The following UGT2A1 variants were observed in gnomAD, a reference collection of about 807,000 sequenced individuals.
The protein encoded by UGT2A1 is UDP-glucuronosyltransferase 2A1.
A neutral mutation model predicts 45.4 loss-of-function variants in UGT2A1; 61 were observed. The ratio of observed to expected loss-of-function variants is 1.34; its 90% CI spans 1.09 to 1.66. The LOEUF is 1.66. Ranked by LOEUF, UGT2A1 falls within the 40% of genes most tolerant of loss-of-function variation. The probability of loss-of-function intolerance (pLI) is 0.00; values close to 1 mark genes in which losing one functional copy is unlikely to be tolerated. For missense variants in UGT2A1, 649 were observed against 574.3 expected, an observed-to-expected ratio of 1.13 and a Z score of -1.33; for synonymous variants, 229 against 196.2, an observed-to-expected ratio of 1.17 and a Z score of -1.40.
intron 3 of UGT2A1, among the ~76,000 whole-genome samples, chr4:69,624,852 A>C (rs545826312): frequency 6.6e-6 from 1 of 151,386 alleles, no homozygotes; most frequent in East Asian, 1.9e-4. Flanking sequence ...ACATTTTTTA[A>C]GTCTTTTTTA....
intron 3 of UGT2A1, among the ~76,000 whole-genome samples, chr4:69,634,210 A>T (rs1422340996): frequency 1.3e-5 from 2 of 152,094 alleles, no homozygotes; most frequent in South Asian, 4.1e-4. Flanking sequence ...GCGCCACTGC[A>T]CTCCAGCCTG....
In UGT2A1 at chr4:69,647,649, T is replaced by C; in HGVS notation, c.-5A>G. On this transcript the variant is annotated 5_prime_UTR_variant, in exon 2 of 7. Coordinates refer to ENST00000286604, the MANE Select transcript of UGT2A1 (RefSeq NM_001252275.3). Reference sequence around the variant, plus strand: ...CAGCAGAAGGTTGTTTAACATGATGTGGCTTGATGCAGAAGATTTGATGAG... The same window carrying C: ...CAGCAGAAGGTTGTTTAACATGATGCGGCTTGATGCAGAAGATTTGATGAG... 2 of 1,535,780 alleles carry C rather than the reference T, an allele frequency of 1.3e-6. No homozygotes were observed. Among genetic ancestry groups the C allele is most frequent in the Non-Finnish European group, 1.8e-6 (2 of 1,139,614 alleles).
chr4:69,644,823 C>T (rs1378176673), intron 2 of UGT2A1, among the ~76,000 whole-genome samples: 1 of 151,744 alleles, frequency 6.6e-6, no homozygotes, highest in Non-Finnish European at 1.5e-5. Flanking sequence ...TGATAATAAT[C>T]ATTCACATGG....
At chr4:69,593,254 T>C (rs1171946769) in intron 6 of UGT2A1, among the ~76,000 whole-genome samples, 1 of 151,848 alleles carries the variant, frequency 6.6e-6, no homozygotes, top group African/African-American at 2.4e-5. Flanking sequence ...GAATAAATAA[T>C]CTCTAATTCA....
intron 2 of UGT2A1, chr4:69,639,166 C>A: frequency 6.2e-7 from 1 of 1,613,670 alleles, no homozygotes; most frequent in Non-Finnish European, 8.5e-7. Context: ...GTTACTGGGT[C>A]TGCTACCAAC....
At position 69,599,953 on chromosome 4, in the gene UGT2A1, C is replaced by A. The variant is rs192704551; in HGVS notation, c.848-559G>T. 6.6e-5 allele frequency among the ~76,000 whole-genome samples: 10 copies of A among 152,302 alleles called. No individual in the cohort carries two copies. The East Asian group carries it at 1.7e-3, about 26-fold the overall frequency. On this transcript the variant is annotated intron_variant, in intron 3 of 6. Transcript: ENST00000286604. ...CTTCCCCAGGACAGCAAATCAGAGG[C>A]ATTGCTAGCATGCCTCTCCCACTTG...
chr4:69,638,026 AG>A (rs1721817579), intron 2 of UGT2A1, among the ~76,000 whole-genome samples: 1 of 151,746 alleles, frequency 6.6e-6, no homozygotes, highest in Non-Finnish European at 1.5e-5. Flanking sequence ...GAAGGAAAGA[AG>A]GAAGGAAAAA....
chr4:69,614,676 G>C (rs1467818294), intron 3 of UGT2A1, among the ~76,000 whole-genome samples: 1 of 151,962 alleles, frequency 6.6e-6, no homozygotes, highest in Non-Finnish European at 1.5e-5. Context: ...TACATCTACA[G>C]TAAACTACCT....
chr4:69,632,478 A>G (rs1055883688), intron 3 of UGT2A1, among the ~76,000 whole-genome samples: 2 of 152,196 alleles, frequency 1.3e-5, no homozygotes, highest in Admixed American at 6.5e-5. Flanking sequence ...AGGCCAAAAG[A>G]GCATAATCTC....
In UGT2A1 at chr4:69,594,571, T is replaced by C. The variant is rs200977970; in HGVS notation, c.1210A>G (p.Met404Val). ...TCCACAGCTGCTCCTTTGGCCTTCATGTGAGCAATGTTATCAGGCTGATCA... is the reference window on the plus strand; with the variant it reads ...TCCACAGCTGCTCCTTTGGCCTTCACGTGAGCAATGTTATCAGGCTGATCA... ...FADQPDNIAH[M>V]KAKGAAVEVN... Residue 404 changes from methionine to valine, a missense_variant, in exon 6 of 7, where the codon ATG (methionine) becomes GTG (valine). Transcript: ENST00000286604. The C allele has an allele frequency of 6.2e-7, 1 of 1,614,066 alleles. No individual in the cohort carries two copies. The highest frequency in any genetic ancestry group is 8.5e-7 in the Non-Finnish European group (1 of 1,180,054).
chr4:69,591,070 C>T (rs1302351100), intron 6 of UGT2A1, among the ~76,000 whole-genome samples: 1 of 152,040 alleles, frequency 6.6e-6, no homozygotes, highest in Non-Finnish European at 1.5e-5. Context: ...AATTTTTAGG[C>T]ATTTATTTAG....
intron 3 of UGT2A1, among the ~76,000 whole-genome samples, chr4:69,627,590 G>GA (rs1227740432): frequency 7.2e-6 from 1 of 138,694 alleles, no homozygotes; most frequent in African/African-American, 2.7e-5. Context: ...AAGAAAAAAA[G>GA]AAGAAAGAAA....
chr4:69,608,459 T>C (rs1385945131), intron 3 of UGT2A1, among the ~76,000 whole-genome samples: 2 of 151,668 alleles, frequency 1.3e-5, no homozygotes, highest in Admixed American at 1.3e-4. Flanking sequence ...TTGGGAAATA[T>C]ACCTAATGTT....
Position 69,599,278 on chromosome 4 carries a change from A to G in UGT2A1, c.964T>C (p.Leu322=). 6.2e-7 allele frequency: 1 copy of G among 1,613,742 alleles called. No homozygotes were observed. The highest frequency in any genetic ancestry group is 8.5e-7 in the Non-Finnish European group (1 of 1,179,874). ...YLPNFEFVGG[L]HCKPAKPLPK... ...AAAGGTTTGGCAGGTTTGCAGTGCA[A>G]TCCTCCAACAAACTCAAAATTAGGT... The change falls in exon 4 of 7, where the codon TTG becomes CTG. Residue 322 remains leucine (L), a synonymous_variant. Coordinates refer to ENST00000286604, the MANE Select transcript of UGT2A1 (RefSeq NM_001252275.3).
intron 3 of UGT2A1, among the ~76,000 whole-genome samples, chr4:69,600,826 C>A (rs1194503991): frequency 6.6e-6 from 1 of 150,810 alleles, no homozygotes; most frequent in Non-Finnish European, 1.5e-5. Context: ...AAAAACAGAT[C>A]TCGTGATAAC....
chr4:69,599,436 T>C (rs1041747987), intron 3 of UGT2A1, 42 bp from the exon 4 acceptor site: 3 of 1,599,708 alleles, frequency 1.9e-6, no homozygotes, highest in Admixed American at 1.8e-5. Flanking sequence ...AATTAGCTTA[T>C]ATGTTTGCTG....
chr4:69,618,203 G>GTGTGTGTATGTT (rs1553905683), intron 3 of UGT2A1, among the ~76,000 whole-genome samples: 7 of 92,208 alleles, frequency 7.6e-5, no homozygotes, highest in African/African-American at 1.2e-4. Flanking sequence ...GTGTGTGTGT[G>GTGTGTGTATGTT]TGTGTGTGTG....
chr4:69,615,993 T>C (rs1002645984), intron 3 of UGT2A1, among the ~76,000 whole-genome samples: 2 of 152,000 alleles, frequency 1.3e-5, no homozygotes, highest in African/African-American at 2.4e-5. Flanking sequence ...ATAGCCAAGA[T>C]ATGGAATCAA....
intron 3 of UGT2A1, among the ~76,000 whole-genome samples, chr4:69,633,973 C>G (rs943477357): frequency 7.9e-5 from 12 of 152,062 alleles, no homozygotes; most frequent in African/African-American, 2.9e-4. Flanking sequence ...CGGCCGCGCG[C>G]GGTGGCTCAC....
Sources: allele counts gnomAD v4.1 joint callset (sites outside exome capture counted in the v4.1 genomes callset), GRCh38; gene constraint gnomAD v4.1.1; transcripts MANE v1.5; gene names NCBI Gene and HGNC (gene_info 2026-07-23, HGNC 2026-07-21).